The following FGF9 variants were observed in gnomAD, a reference collection of about 807,000 sequenced individuals.
FGF9 encodes the protein fibroblast growth factor 9 (glia-activating factor).
Under a neutral mutation model 19.9 loss-of-function variants are expected in FGF9, and 3 were observed. That is an observed-to-expected ratio of 0.15 (90% CI 0.07 to 0.39). The LOEUF (loss-of-function observed/expected upper bound fraction) is 0.39. FGF9 is among the 10% of genes least tolerant of loss of function. The pLI is 1.00. For synonymous variants in FGF9, 107 were observed against 106.9 expected, an observed-to-expected ratio of 1.00 and a Z score of -0.01; for missense variants, 175 against 256.8, an observed-to-expected ratio of 0.68 and a Z score of 2.18.
intron 2 of FGF9, among the ~76,000 whole-genome samples, chr13:21,683,482 G>T (rs1231513008): frequency 6.6e-6 from 1 of 152,198 alleles, no homozygotes; most frequent in East Asian, 1.9e-4. Context: ...TGTGACTCCT[G>T]GCTGCCTCAC....
intron 2 of FGF9, 90 bp from the exon 3 acceptor site, chr13:21,701,100 T>TAA (rs1872530320): frequency 9.9e-7 from 1 of 1,012,738 alleles, no homozygotes; most frequent in Non-Finnish European, 1.5e-6. Context: ...CCAAGGTGGT[T>TAA]TGCTGCACCT....
rs1010469733 is a variant in FGF9 at position 21,686,541 on chromosome 13, C to T, written c.381+5396C>T. Among the ~76,000 whole-genome samples, 4 of 152,114 alleles carry T rather than the reference C, an allele frequency of 2.6e-5. 1 individual carries two copies. Among genetic ancestry groups the T allele is most frequent in the Admixed American group, 1.3e-4 (2 of 15,262 alleles). ...CTGCAAAAGTGACACTGGAGGATGGCGCAGAGATGGGGGAGGTGCTAACAT... is the reference window on the plus strand; with the variant it reads ...CTGCAAAAGTGACACTGGAGGATGGTGCAGAGATGGGGGAGGTGCTAACAT... On this transcript the variant is annotated intron_variant, in intron 2 of 2. Transcript: ENST00000382353.
intron 2 of FGF9, among the ~76,000 whole-genome samples, chr13:21,686,179 C>T (rs1872152848): frequency 6.6e-6 from 1 of 152,164 alleles, no homozygotes; most frequent in African/African-American, 2.4e-5. Context: ...ACAGTGCGTG[C>T]CACCAAGCCT....
In FGF9 at chr13:21,691,429, G is replaced by C. The variant is rs1872287230; in HGVS notation, c.382-9761G>C. Among the ~76,000 whole-genome samples the C allele has an allele frequency of 6.6e-6, 1 of 152,232 alleles. No individual in the cohort carries two copies. The highest frequency in any genetic ancestry group is 2.4e-5 in the African/African-American group (1 of 41,468). ...TAGAGAAACCTTTTCAGCCAAGAAGGCAACTTTGCTGCAGGGTTTAGAAAC... is the reference window on the plus strand; with the variant it reads ...TAGAGAAACCTTTTCAGCCAAGAAGCCAACTTTGCTGCAGGGTTTAGAAAC... On this transcript the variant is annotated intron_variant, in intron 2 of 2. Coordinates refer to ENST00000382353, the MANE Select transcript of FGF9 (RefSeq NM_002010.3). This position sits in a 1 kb window ranked among gnomAD's most constrained non-coding sequence, Gnocchi z 4.2.
In FGF9 at chr13:21,704,310, G is replaced by C. The variant is rs748459069; in HGVS notation, c.*2875G>C. On this transcript the variant is annotated 3_prime_UTR_variant, in exon 3 of 3. Transcript: ENST00000382353. Reference sequence around the variant, plus strand: ...CAGTGGTGAAGGACATGCTAGGTCAGTGTTGGGGAACCTGCCCTGCCAGGT... The same window carrying C: ...CAGTGGTGAAGGACATGCTAGGTCACTGTTGGGGAACCTGCCCTGCCAGGT... 6.6e-6 allele frequency: 1 copy of C among 152,348 alleles called. No homozygotes were observed. Among genetic ancestry groups the C allele is most frequent in the Non-Finnish European group, 1.5e-5 (1 of 68,042 alleles). The allele number at this position is 152,348 out of a possible 1,614,324, so 9.4% of individuals were successfully genotyped here.
At chr13:21,681,355 T>C in intron 2 of FGF9, 1 of 461,280 alleles carries the variant, frequency 2.2e-6, no homozygotes, top group Non-Finnish European at 3.9e-6. Context: ...GAAAATGCTT[T>C]ATTTATATGC....
rs748492300 is a variant in FGF9, at chr13:21,672,322, C to G, written c.277+133C>G. ...CCCCTCTTTCTCTGTATCTCTGTCT[C>G]TCTCTCTCTCTGTCTTGCCAGCTCC... On this transcript the variant is annotated intron_variant, in intron 1 of 2. Coordinates refer to ENST00000382353, the MANE Select transcript of FGF9 (RefSeq NM_002010.3). The surrounding 1 kb of genome is among the most constrained non-coding windows in gnomAD (Gnocchi z 4.2). 4 of 955,092 alleles carry G rather than the reference C, an allele frequency of 4.2e-6. No individual in the cohort carries two copies. The highest frequency in any genetic ancestry group is 2.5e-5 in the East Asian group (1 of 39,222). 59.2% of individuals were successfully genotyped at this position (955,092 alleles called of 1,614,324 possible).
rs969858348 is a variant in FGF9, at chr13:21,702,845, A to G, written c.*1410A>G. 2 of 152,254 alleles carry G rather than the reference A, an allele frequency of 1.3e-5. No homozygotes were observed. The highest frequency in any genetic ancestry group is 4.8e-5 in the African/African-American group (2 of 41,488). 9.4% of individuals were successfully genotyped at this position (152,254 alleles called of 1,614,324 possible). Reference sequence around the variant, plus strand: ...TAATAAATCGTTATCAATAATGACAATGAGGGGGAAAGTATTATACTTGTT... The same window carrying G: ...TAATAAATCGTTATCAATAATGACAGTGAGGGGGAAAGTATTATACTTGTT... On this transcript the variant is annotated 3_prime_UTR_variant, in exon 3 of 3. Transcript: ENST00000382353.
intron 1 of FGF9, chr13:21,674,229 C>T (rs546312901): frequency 6.6e-6 from 1 of 152,422 alleles, no homozygotes; most frequent in African/African-American, 2.4e-5. Context: ...CCCCTGAGCT[C>T]CCCTGTCCCA....
chr13:21,701,700 A>AGT lies in FGF9; in HGVS notation c.*272_*273dup, dbSNP rs761639029. 2.0e-3 allele frequency: 882 copies of AGT among 441,538 alleles called. 7 individuals are homozygous for AGT. Among genetic ancestry groups the AGT allele is most frequent in the East Asian group, 9.2e-3 (212 of 23,018 alleles). 27.4% of individuals were successfully genotyped at this position (441,538 alleles called of 1,614,324 possible). ...AGAGAGAGAGAGACTGAGCGCTAGG[A>AGT]GTGTGTGTATGTGTGTGTGTGTGTG... On this transcript the variant is annotated 3_prime_UTR_variant, in exon 3 of 3. Transcript: ENST00000382353.
At chr13:21,681,680 C>T (rs567953623) in intron 2 of FGF9, among the ~76,000 whole-genome samples, 84 of 152,286 alleles carry the variant, frequency 5.5e-4, no homozygotes, top group Non-Finnish European at 9.4e-4. Context: ...CACTCCACAT[C>T]CCCACTAGGT....
chr13:21,704,023 G>A lies in FGF9; in HGVS notation c.*2588G>A, dbSNP rs556328710. 3.9e-5 allele frequency: 6 copies of A among 152,198 alleles called. No homozygotes were observed. Among genetic ancestry groups the A allele is most frequent in the Admixed American group, 6.5e-5 (1 of 15,288 alleles). 9.4% of individuals were successfully genotyped at this position (152,198 alleles called of 1,614,324 possible). A position where few individuals can be genotyped will look rare whatever the true frequency, so the allele number is the denominator to read the frequency against. ...GGAACTGGGAGAGTGGATGGCTCAG[G>A]GTTTCGGTGTGGGCATTGTCTCTTG... On this transcript the variant is annotated 3_prime_UTR_variant, in exon 3 of 3. Transcript: ENST00000382353.
chr13:21,672,063 G>A lies in FGF9; in HGVS notation c.151G>A (p.Val51Ile), dbSNP rs774988398. Residue 51 changes from valine (V) to isoleucine (I), a missense_variant, in exon 1 of 3, where the codon GTC (valine) becomes ATC (isoleucine). Physicochemically the swap from Val to Ile is conservative, Grantham distance 29 (BLOSUM62 3). Transcript: ENST00000382353. This position sits in a 1 kb window ranked among gnomAD's most constrained non-coding sequence, Gnocchi z 4.2. Reference protein sequence around the residue: ...EAGGLPRGPAVTDLDHLKGIL... With the variant: ...EAGGLPRGPAITDLDHLKGIL... ...AGGGGGGCTCCCCAGGGGACCCGCAGTCACGGACTTGGATCATTTAAAGGG... is the reference window on the plus strand; with the variant it reads ...AGGGGGGCTCCCCAGGGGACCCGCAATCACGGACTTGGATCATTTAAAGGG... 1 of 1,614,254 alleles carries A rather than the reference G, an allele frequency of 6.2e-7. No individual in the cohort carries two copies. Among genetic ancestry groups the A allele is most frequent in the Admixed American group, 1.7e-5 (1 of 60,032 alleles).
intron 2 of FGF9, among the ~76,000 whole-genome samples, chr13:21,682,523 G>A (rs1445484460): frequency 6.6e-6 from 1 of 152,154 alleles, no homozygotes; most frequent in African/African-American, 2.4e-5. Context: ...AAATGTATTT[G>A]TAAGTATAGG....
Position 21,701,391 on chromosome 13 carries a change from G to A in FGF9, c.583G>A (p.Asp195Asn), listed in dbSNP as rs369272027. ...THFLPRPVDP[D>N]KVPELYKDIL... ...TTTTTTACCTAGACCAGTGGACCCC[G>A]ACAAAGTACCTGAACTGTATAAGGA... The change falls in exon 3 of 3, where the codon GAC (aspartate) becomes AAC (asparagine). Residue 195 changes from aspartate to asparagine, a missense_variant. By Grantham distance (23) the Asp-to-Asn change is conservative. Coordinates refer to ENST00000382353, the MANE Select transcript of FGF9 (RefSeq NM_002010.3). 46 of 1,613,722 alleles carry A rather than the reference G, an allele frequency of 2.9e-5. No homozygotes were observed. Among genetic ancestry groups the A allele is most frequent in the South Asian group, 1.8e-4 (16 of 91,066 alleles).
intron 2 of FGF9, among the ~76,000 whole-genome samples, chr13:21,694,366 T>TA (rs1174581516): frequency 6.6e-6 from 1 of 152,086 alleles, no homozygotes. Flanking sequence ...TCTGGTACAT[T>TA]AAAAAAAATT....
chr13:21,693,223 G>A (rs1056775588), intron 2 of FGF9, among the ~76,000 whole-genome samples: 1 of 152,188 alleles, frequency 6.6e-6, no homozygotes, highest in Non-Finnish European at 1.5e-5. Context: ...CTATCAAAAG[G>A]TGGTGTCAGC....
intron 2 of FGF9, among the ~76,000 whole-genome samples, chr13:21,694,405 T>TC (rs1390859685): frequency 1.3e-5 from 2 of 152,220 alleles, no homozygotes; most frequent in African/African-American, 4.8e-5. Flanking sequence ...CCCATGATTA[T>TC]CATGGGAACA....
Position 21,671,971 on chromosome 13 carries a change from G to C in FGF9, c.59G>C (p.Gly20Ala), listed in dbSNP as rs767912297. 3 of 1,614,082 alleles carry C rather than the reference G, an allele frequency of 1.9e-6. No individual in the cohort carries two copies. The African/African-American group carries it at 4.0e-5, about 22-fold the overall frequency. Residue 20 changes from glycine (G) to alanine (A), a missense_variant, in exon 1 of 3, where the codon GGG becomes GCG. Physicochemically the swap from Gly to Ala is moderately conservative, Grantham distance 60. Coordinates refer to ENST00000382353, the MANE Select transcript of FGF9 (RefSeq NM_002010.3). Reference sequence around the variant, plus strand: ...GGTGTGCAGGATGCGGTACCGTTTGGGAATGTGCCCGTGTTGCCGGTGGAC... The same window carrying C: ...GGTGTGCAGGATGCGGTACCGTTTGCGAATGTGCCCGTGTTGCCGGTGGAC... ...YFGVQDAVPF[G>A]NVPVLPVDSP... is the part of the protein sequence containing the mutation.
Sources: allele counts gnomAD v4.1 joint callset (sites outside exome capture counted in the v4.1 genomes callset), GRCh38; gene constraint gnomAD v4.1.1; non-coding constraint Gnocchi (gnomAD v3.1); transcripts MANE v1.5; gene names NCBI Gene and HGNC (gene_info 2026-07-23, HGNC 2026-07-21).